Variants in CTNNA2 observed in about 807,000 individuals in gnomAD.
CTNNA2 encodes catenin alpha-2.
Under a neutral mutation model 101.0 loss-of-function variants are expected in CTNNA2, and 42 were observed. The observed-to-expected ratio is 0.42, with a 90% CI of 0.32 to 0.54. The LOEUF (loss-of-function observed/expected upper bound fraction) is 0.54. Ranked by LOEUF, CTNNA2 falls within the 20% of genes least tolerant of loss-of-function variation. CTNNA2 has a pLI of 0.14. For synonymous variants in CTNNA2, 450 were observed against 456.4 expected (o/e 0.99, Z 0.18); for missense variants, 871 against 1,223.1 (o/e 0.71, Z 4.29).
intron 4 of CTNNA2, among the ~76,000 whole-genome samples, chr2:79,486,295 A>C (rs1423178950): frequency 2.0e-5 from 3 of 148,912 alleles, no homozygotes; most frequent in Admixed American, 6.8e-5. Context: ...TCATTGTTCA[A>C]TTCCCACCTA....
At chr2:79,959,714 A>AT (rs567710437) in intron 7 of CTNNA2, among the ~76,000 whole-genome samples, 1 of 152,202 alleles carries the variant, frequency 6.6e-6, no homozygotes, top group Non-Finnish European at 1.5e-5. Context: ...CTTCTAAGCC[A>AT]TTTACACAAG....
intron 2 of CTNNA2, among the ~76,000 whole-genome samples, chr2:79,225,525 T>C (rs1394890179): frequency 1.3e-5 from 2 of 152,170 alleles, no homozygotes; most frequent in Non-Finnish European, 2.9e-5. Context: ...CCCTGTCTTT[T>C]AGGAGTTTAT....
Position 79,840,882 on chromosome 2 carries a change from G to T in CTNNA2, c.299-17131G>T, listed in dbSNP as rs1005759616. 4.2e-4 allele frequency among the ~76,000 whole-genome samples: 64 copies of T among 151,952 alleles called. 1 individual carries two copies. The highest frequency in any genetic ancestry group is 1.5e-3 in the African/African-American group (64 of 41,434). On this transcript the variant is annotated intron_variant, in intron 3 of 18. Transcript: ENST00000402739. ...CCTCCCGGGTTCACGCCATTCTCCT[G>T]CCTCAGCCTCCCGAGTAGCTGGGAC...
At chr2:80,230,288 G>A (rs1573458517) in intron 7 of CTNNA2, among the ~76,000 whole-genome samples, 1 of 126,666 alleles carries the variant, frequency 7.9e-6, no homozygotes, top group South Asian at 2.4e-4. Context: ...AAGAGATAGA[G>A]TCTTGCTTTG....
At chr2:80,074,907 A>G (rs1698576028) in intron 7 of CTNNA2, among the ~76,000 whole-genome samples, 2 of 152,320 alleles carry the variant, frequency 1.3e-5, no homozygotes, top group South Asian at 2.1e-4. Context: ...TAGATCTGAA[A>G]CTTCAAAATC....
intron 9 of CTNNA2, among the ~76,000 whole-genome samples, chr2:80,541,499 A>G (rs1043550301): frequency 1.3e-5 from 2 of 152,196 alleles, no homozygotes; most frequent in African/African-American, 4.8e-5. Context: ...ATAGAGTTTA[A>G]TTTAAACAAA....
intron 7 of CTNNA2, among the ~76,000 whole-genome samples, chr2:80,254,774 T>C (rs1672014104): frequency 6.6e-6 from 1 of 152,178 alleles, no homozygotes; most frequent in Non-Finnish European, 1.5e-5. Flanking sequence ...AATAAAGTCA[T>C]GAAAATTGTA....
chr2:79,961,649 C>T (rs1360639989), intron 7 of CTNNA2, among the ~76,000 whole-genome samples: 1 of 151,790 alleles, frequency 6.6e-6, no homozygotes, highest in Non-Finnish European at 1.5e-5. Context: ...GGTGAAACCC[C>T]GTCTCTACTA....
chr2:79,422,021 C>T (rs978987178), intron 4 of CTNNA2, among the ~76,000 whole-genome samples: 3 of 152,176 alleles, frequency 2.0e-5, no homozygotes, highest in South Asian at 2.1e-4. Flanking sequence ...GGCATGGTGG[C>T]ACACTCCTCT....
intron 2 of CTNNA2, among the ~76,000 whole-genome samples, chr2:79,286,753 G>T (rs997428285): frequency 1.3e-5 from 2 of 152,000 alleles, no homozygotes; most frequent in Non-Finnish European, 2.9e-5. Flanking sequence ...TCTTCTCGAG[G>T]AGTATCTTTG....
intron 7 of CTNNA2, among the ~76,000 whole-genome samples, chr2:80,153,689 A>G (rs1703838834): frequency 6.6e-6 from 1 of 152,212 alleles, no homozygotes; most frequent in South Asian, 2.1e-4. Flanking sequence ...TGTTGGGAGC[A>G]TGGAGAATGA....
chr2:79,410,480 A>G (rs909616067), intron 4 of CTNNA2, among the ~76,000 whole-genome samples: 4 of 152,150 alleles, frequency 2.6e-5, no homozygotes, highest in Non-Finnish European at 5.9e-5. Context: ...TGTCCCATCA[A>G]TACCTAATTT....
chr2:79,284,574 A>G (rs1260412242), intron 2 of CTNNA2, among the ~76,000 whole-genome samples: 18 of 150,858 alleles, frequency 1.2e-4, no homozygotes, highest in Middle Eastern at 3.4e-3. Context: ...ATTGATTTGC[A>G]TATATTGAAC....
chr2:80,470,063 C>T (rs540647851), intron 9 of CTNNA2, among the ~76,000 whole-genome samples: 26 of 152,174 alleles, frequency 1.7e-4, no homozygotes, highest in African/African-American at 4.3e-4. Context: ...TTTACCCGTG[C>T]GGGGGAGAGA....
At chr2:80,088,315 C>T (rs555865587) in intron 7 of CTNNA2, among the ~76,000 whole-genome samples, 13 of 152,140 alleles carry the variant, frequency 8.5e-5, no homozygotes, top group African/African-American at 2.2e-4. Context: ...AAGGCAGACA[C>T]CATGTAGTTA....
intron 7 of CTNNA2, among the ~76,000 whole-genome samples, chr2:80,079,877 TAAAATAATAAAATAAAATAAATA>T (rs2148800004): frequency 6.9e-6 from 1 of 144,116 alleles, no homozygotes; most frequent in South Asian, 2.2e-4. Flanking sequence ...TAAAATAAAA[TAAAATAATAAAATAAAATAAATA>T]AAATAAAATA....
intron 3 of CTNNA2, among the ~76,000 whole-genome samples, chr2:79,782,384 G>A (rs1038644641): frequency 3.9e-5 from 6 of 152,038 alleles, no homozygotes; most frequent in Non-Finnish European, 7.4e-5. Flanking sequence ...TTACAGGTGC[G>A]CGCCACCATG....
chr2:79,625,083 A>C (rs1679222276), intron 1 of CTNNA2, among the ~76,000 whole-genome samples: 1 of 152,046 alleles, frequency 6.6e-6, no homozygotes, highest in Admixed American at 6.6e-5. Flanking sequence ...GAGTGTGCAA[A>C]TTGATGTATT....
At chr2:79,917,567 C>G (rs2974169) in intron 7 of CTNNA2, among the ~76,000 whole-genome samples, 91,579 of 151,988 alleles carry the variant, frequency 0.6, 27,949 homozygotes, top group East Asian at 0.78. Flanking sequence ...GTAGATTTCA[C>G]TCTAACTCCC....
Sources: gnomAD v4.1 joint callset for allele counts (sites outside exome capture counted in the v4.1 genomes callset) on GRCh38, gnomAD v4.1.1 for gene constraint, MANE v1.5 for transcripts, NCBI Gene and HGNC (gene_info 2026-07-23, HGNC 2026-07-21) for gene names.